SNTG2: variants seen among roughly 807,000 people sequenced by gnomAD.
The protein encoded by SNTG2 is syntrophin gamma 2, also known as gamma-2-syntrophin.
In SNTG2, 74 loss-of-function variants were observed where a neutral mutation model predicts 70.9. That is an observed-to-expected ratio of 1.04 (90% confidence interval 0.86 to 1.27). SNTG2 has a LOEUF of 1.27. SNTG2 is among the 50% of genes most tolerant of loss of function. SNTG2 has a pLI of 0.00. For missense variants in SNTG2, 717 were observed against 690.7 expected (o/e 1.04, Z -0.43); for synonymous variants, 278 against 273.8 (o/e 1.02, Z -0.15).
Position 1,255,885 on chromosome 2 carries a change from A to AATATATAT in SNTG2, c.1006-3483_1006-3476dup, listed in dbSNP as rs1305282798. 3.3e-5 allele frequency among the ~76,000 whole-genome samples: 3 copies of AATATATAT among 90,480 alleles called. No homozygotes were observed. In the South Asian group the frequency reaches 9.6e-4, roughly 29 times the overall value. 59.4% of individuals were successfully genotyped at this position (90,480 alleles called of 152,430 possible). On this transcript the variant is annotated intron_variant, in intron 12 of 16. Coordinates refer to ENST00000308624, the MANE Select transcript of SNTG2 (RefSeq NM_018968.4). ...ATAAATATATATAAATATATATATA[A>AATATATAT]ATATATATAAATATATATATAAATA...
chr2:1,072,344 TTTTTC>T (rs1390538223), intron 1 of SNTG2, among the ~76,000 whole-genome samples: 136 of 12,556 alleles, frequency 0.011, 1 homozygote, highest in Admixed American at 0.023. Context: ...TTTCTTTTTC[TTTTTC>T]TTTTTTTTTT....
chr2:1,070,031 C>T (rs764575820), intron 1 of SNTG2, among the ~76,000 whole-genome samples: 1 of 151,970 alleles, frequency 6.6e-6, no homozygotes, highest in African/African-American at 2.4e-5. Context: ...TCTGCAGTGA[C>T]GTCAGTGTGC....
chr2:1,165,739 G>A, intron 7 of SNTG2, 104 bp downstream of exon 7: 1 of 970,664 alleles, frequency 1.0e-6, no homozygotes, highest in Non-Finnish European at 1.6e-6. Context: ...ATCATTTGCT[G>A]AGTGTACATT....
intron 1 of SNTG2, among the ~76,000 whole-genome samples, chr2:1,064,552 C>T (rs1053194252): frequency 2.0e-5 from 3 of 151,728 alleles, no homozygotes; most frequent in African/African-American, 7.3e-5. Flanking sequence ...GGAGGAGTTA[C>T]TAAAATTAAA....
intron 4 of SNTG2, among the ~76,000 whole-genome samples, chr2:1,099,862 C>T (rs1038701650): frequency 5.3e-5 from 8 of 152,270 alleles, no homozygotes; most frequent in African/African-American, 1.4e-4. Flanking sequence ...GATTCTTTTT[C>T]GGCAGAAGGA....
intron 1 of SNTG2, among the ~76,000 whole-genome samples, chr2:1,005,649 C>G (rs1050445718): frequency 2.7e-5 from 4 of 150,844 alleles, no homozygotes; most frequent in Non-Finnish European, 4.4e-5. Context: ...ACTAACAGTA[C>G]AAAAATTAGC....
chr2:1,205,145 G>A (rs1673551896), intron 8 of SNTG2, among the ~76,000 whole-genome samples: 1 of 152,154 alleles, frequency 6.6e-6, no homozygotes, highest in African/African-American at 2.4e-5. Flanking sequence ...ACTTAAGAGT[G>A]TGCTCCGAAC....
intron 14 of SNTG2, among the ~76,000 whole-genome samples, chr2:1,277,370 C>G (rs1292840687): frequency 6.6e-6 from 1 of 152,204 alleles, no homozygotes; most frequent in African/African-American, 2.4e-5. Context: ...CAGCAGCCAT[C>G]AACATCCAGG....
intron 2 of SNTG2, 125 bp downstream of exon 2, chr2:1,083,780 A>C: frequency 9.5e-7 from 1 of 1,051,378 alleles, no homozygotes; most frequent in Non-Finnish European, 1.4e-6. Context: ...AAATATCCCC[A>C]ACTACTGGCT....
intron 1 of SNTG2, among the ~76,000 whole-genome samples, chr2:1,055,474 G>C (rs1177810059): frequency 6.6e-6 from 1 of 152,196 alleles, no homozygotes; most frequent in Middle Eastern, 3.4e-3. Flanking sequence ...TCCACCCACT[G>C]TGGAGGCTCA....
chr2:1,257,781 G>A (rs535711628), intron 12 of SNTG2, among the ~76,000 whole-genome samples: 8 of 152,256 alleles, frequency 5.3e-5, no homozygotes, highest in Non-Finnish European at 8.8e-5. Flanking sequence ...AACTCCACAC[G>A]GAAATTCTAA....
At chr2:1,223,442 C>G (rs1221413790) in intron 9 of SNTG2, among the ~76,000 whole-genome samples, 1 of 151,350 alleles carries the variant, frequency 6.6e-6, no homozygotes, top group Non-Finnish European at 1.5e-5. Context: ...AGCCCGGGCA[C>G]TGATCTTGTG....
At chr2:1,193,839 T>C (rs993169353) in intron 8 of SNTG2, among the ~76,000 whole-genome samples, 5 of 152,364 alleles carry the variant, frequency 3.3e-5, no homozygotes, top group East Asian at 1.9e-4. Flanking sequence ...AGAATAACTC[T>C]GAACACATGA....
intron 1 of SNTG2, among the ~76,000 whole-genome samples, chr2:1,037,878 G>C (rs1427584461): frequency 6.6e-6 from 1 of 152,170 alleles, no homozygotes; most frequent in Non-Finnish European, 1.5e-5. Flanking sequence ...AAGCTTGGCT[G>C]TTATGAATCC....
chr2:1,175,135 C>G (rs765896579), intron 8 of SNTG2, among the ~76,000 whole-genome samples: 2 of 152,184 alleles, frequency 1.3e-5, no homozygotes, highest in Non-Finnish European at 2.9e-5. Context: ...CCCATGAGAT[C>G]TGCTTTTATT....
chr2:1,114,945 C>G (rs1344941972), intron 4 of SNTG2, among the ~76,000 whole-genome samples: 2 of 151,810 alleles, frequency 1.3e-5, no homozygotes, highest in African/African-American at 4.8e-5. Flanking sequence ...GAGGTTTAAC[C>G]CTTACAGTCC....
At chr2:1,206,287 G>A (rs62107168) in intron 8 of SNTG2, among the ~76,000 whole-genome samples, 419 of 152,298 alleles carry the variant, frequency 2.8e-3, no homozygotes, top group Middle Eastern at 6.8e-3. Flanking sequence ...CTGTGTGGAA[G>A]GTGGGCACAG....
At chr2:1,182,624 A>T (rs1572668379) in intron 8 of SNTG2, among the ~76,000 whole-genome samples, 1 of 152,246 alleles carries the variant, frequency 6.6e-6, no homozygotes, top group Admixed American at 6.5e-5. Context: ...CATTTAATTG[A>T]TGTACAAGGT....
chr2:1,260,924 A>C (rs1261802523), intron 13 of SNTG2, among the ~76,000 whole-genome samples: 2 of 152,196 alleles, frequency 1.3e-5, no homozygotes, highest in African/African-American at 4.8e-5. Context: ...GGTGTCTTTG[A>C]GAGATTATTG....
Sources: gnomAD v4.1 joint callset for allele counts (sites outside exome capture counted in the v4.1 genomes callset) on GRCh38, gnomAD v4.1.1 for gene constraint, MANE v1.5 for transcripts, NCBI Gene and HGNC (gene_info 2026-07-23, HGNC 2026-07-21) for gene names.